UTRN: variants seen among roughly 807,000 people sequenced by gnomAD.
UTRN encodes utrophin.
Under a neutral mutation model 463.9 loss-of-function variants are expected in UTRN, and 283 were observed. That is an observed-to-expected ratio of 0.61 (90% CI 0.55 to 0.67). The LOEUF is 0.67. Among genes scored for constraint, UTRN ranks in the 30% least tolerant of loss-of-function variants. UTRN has a pLI of 0.00. For synonymous variants in UTRN, 1,442 were observed against 1,431.5 expected, an observed-to-expected ratio of 1.01 and a Z score of -0.17; for missense variants, 3,922 against 4,084.3, an observed-to-expected ratio of 0.96 and a Z score of 1.08.
chr6:144,539,164 A>T, intron 44 of UTRN, 130 bp from the exon 45 acceptor site: 3 of 1,054,104 alleles, frequency 2.8e-6, no homozygotes, highest in Non-Finnish European at 4.0e-6. Flanking sequence ...AGCTTCTTAT[A>T]AGTTTATTTT....
chr6:144,784,275 A>G (rs1328839635), intron 61 of UTRN, among the ~76,000 whole-genome samples: 1 of 152,220 alleles, frequency 6.6e-6, no homozygotes, highest in African/African-American at 2.4e-5. Context: ...ATAACAAAGA[A>G]TGATAGACTG....
At chr6:144,389,494 TA>T (rs920362580) in intron 2 of UTRN, among the ~76,000 whole-genome samples, 7 of 152,226 alleles carry the variant, frequency 4.6e-5, no homozygotes, top group African/African-American at 7.2e-5. Flanking sequence ...TTTCTGTGCT[TA>T]AAAAAATTTT....
chr6:144,749,723 A>T (rs11751723), intron 55 of UTRN, among the ~76,000 whole-genome samples: 2 of 152,090 alleles, frequency 1.3e-5, no homozygotes, highest in African/African-American at 2.4e-5. Flanking sequence ...AAAACCAAAG[A>T]CCTTGTTTGT....
At chr6:144,516,469 C>T in intron 38 of UTRN, 82 bp downstream of exon 38, 1 of 1,425,556 alleles carries the variant, frequency 7.0e-7, no homozygotes, top group Non-Finnish European at 9.5e-7. Context: ...GATGTTTGCC[C>T]ATATAATCTG....
intron 46 of UTRN, among the ~76,000 whole-genome samples, chr6:144,545,874 G>A (rs1236678614): frequency 2.0e-5 from 3 of 152,134 alleles, no homozygotes; most frequent in Non-Finnish European, 2.9e-5. Flanking sequence ...ACAAAAATTA[G>A]CTGGGCGTGG....
chr6:144,722,450 A>T lies in UTRN; in HGVS notation c.7810-7907A>T, dbSNP rs532184441. On this transcript the variant is annotated intron_variant, in intron 53 of 74. Coordinates refer to ENST00000367545, the MANE Select transcript of UTRN (RefSeq NM_007124.3). Reference sequence around the variant, plus strand: ...GTGTGGTAGATTTTTATAGTAATGAATCATGCCTCCCTGTGTCCACACTCC... The same window carrying T: ...GTGTGGTAGATTTTTATAGTAATGATTCATGCCTCCCTGTGTCCACACTCC... Among the ~76,000 whole-genome samples the T allele has an allele frequency of 6.4e-4, 98 of 152,110 alleles. 1 individual carries two copies. Among genetic ancestry groups the T allele is most frequent in the Admixed American group, 3.0e-3 (46 of 15,272 alleles).
At position 144,820,989 on chromosome 6, in the gene UTRN, G is replaced by C. The variant is rs1562950551; in HGVS notation, c.9465G>C (p.Gln3155His). The change falls in exon 66 of 75, where the codon CAG (glutamine) becomes CAC (histidine). Residue 3155 changes from glutamine to histidine, a missense_variant. Physicochemically the swap from Gln to His is conservative, Grantham distance 24. Coordinates refer to ENST00000367545, the MANE Select transcript of UTRN (RefSeq NM_007124.3). The stretch of plus-strand genomic sequence containing the variant: ...CTCGACTTGGTTACCTGCCTGTCCA[G>C]ACAGTTCTTGAAGGTGACAACTTAG... Reference protein sequence around the residue: ...KHPRLGYLPVQTVLEGDNLET... With the variant: ...KHPRLGYLPVHTVLEGDNLET... 1.9e-6 allele frequency: 3 copies of C among 1,613,738 alleles called. No homozygotes were observed. The highest frequency in any genetic ancestry group is 2.5e-6 in the Non-Finnish European group (3 of 1,179,860).
chr6:144,327,130 G>T (rs755565325), intron 2 of UTRN, among the ~76,000 whole-genome samples: 1 of 152,150 alleles, frequency 6.6e-6, no homozygotes, highest in African/African-American at 2.4e-5. Flanking sequence ...AAAGCAGACA[G>T]ATCAGGCCGA....
intron 38 of UTRN, 32 bp from the exon 39 acceptor site, chr6:144,516,779 G>C: frequency 1.4e-6 from 2 of 1,406,184 alleles, no homozygotes; most frequent in Admixed American, 2.9e-5. Context: ...TTTTTCTTTT[G>C]AGTCATTTTT....
chr6:144,381,233 G>C (rs9496949), intron 2 of UTRN, among the ~76,000 whole-genome samples: 25,397 of 151,926 alleles, frequency 0.17, 4,378 homozygotes, highest in African/African-American at 0.44. Context: ...TCCATGTGTT[G>C]TCATCATTTA....
chr6:144,550,923 A>G (rs759378948), intron 47 of UTRN, 42 bp from the exon 48 acceptor site: 1 of 1,511,130 alleles, frequency 6.6e-7, no homozygotes, highest in Admixed American at 2.2e-5. Flanking sequence ...TTCTTCTCAT[A>G]TGGCTTATTA....
Position 144,789,291 on chromosome 6 carries a change from C to T in UTRN, c.8920+12C>T. 6.4e-7 allele frequency: 1 copy of T among 1,564,972 alleles called. No individual in the cohort carries two copies. Among genetic ancestry groups the T allele is most frequent in the Non-Finnish European group, 8.7e-7 (1 of 1,149,882 alleles). ...AGAAAAATACAGATGTATGTAAGAC[C>T]TTTCTTATACCAACAGTGTTTTTAG... On this transcript the variant is annotated intron_variant, in intron 62 of 74. Coordinates refer to ENST00000367545, the MANE Select transcript of UTRN (RefSeq NM_007124.3).
chr6:144,397,950 ATTTCCACCTC>A (rs1487079950), intron 2 of UTRN: 1 of 185,224 alleles, frequency 5.4e-6, no homozygotes, highest in Non-Finnish European at 1.2e-5. Flanking sequence ...CACTTCCACC[ATTTCCACCTC>A]TCCTTGCCTT....
chr6:144,290,587 T>C (rs1266678691), intron 1 of UTRN, among the ~76,000 whole-genome samples: 1 of 152,138 alleles, frequency 6.6e-6, no homozygotes, highest in Non-Finnish European at 1.5e-5. Flanking sequence ...CCCCAACATA[T>C]TACTATGAAA....
Position 144,516,509 on chromosome 6 carries a change from A to AT in UTRN, c.5403+128dup, listed in dbSNP as rs1795620592. ...ACATGATGAAACAGATTCAAATGTG[A>AT]TTTTTTGATGTGTGTCAATGTAAGA... On this transcript the variant is annotated intron_variant, in intron 38 of 74. Coordinates refer to ENST00000367545, the MANE Select transcript of UTRN (RefSeq NM_007124.3). 2.5e-5 allele frequency: 29 copies of AT among 1,169,244 alleles called. No individual in the cohort carries two copies. In the South Asian group the frequency reaches 4.2e-4, roughly 17 times the overall value. 72.4% of individuals were successfully genotyped at this position (1,169,244 alleles called of 1,614,324 possible). A position where few individuals can be genotyped will look rare whatever the true frequency, so the allele number is the denominator to read the frequency against.
In UTRN at chr6:144,493,412, C is replaced by A. The variant is rs1374059414; in HGVS notation, c.4549C>A (p.Gln1517Lys). Residue 1517 changes from glutamine to lysine, a missense_variant, in exon 33 of 75, where the codon CAG becomes AAG. Transcript: ENST00000367545. Reference protein sequence around the residue: ...QTDNPKGMDEQLTSLKVLYND... With the variant: ...QTDNPKGMDEKLTSLKVLYND... Reference sequence around the variant, plus strand: ...GGACAACCCAAAAGGGATGGATGAGCAGCTGACTTCCCTGAAGGTTCTTTA... The same window carrying A: ...GGACAACCCAAAAGGGATGGATGAGAAGCTGACTTCCCTGAAGGTTCTTTA... 1 of 1,613,912 alleles carries A rather than the reference C, an allele frequency of 6.2e-7. No individual in the cohort carries two copies. Among genetic ancestry groups the A allele is most frequent in the Non-Finnish European group, 8.5e-7 (1 of 1,179,936 alleles).
intron 41 of UTRN, among the ~76,000 whole-genome samples, chr6:144,530,496 G>A (rs1796948038): frequency 6.6e-6 from 1 of 152,090 alleles, no homozygotes. Context: ...AGGGGTATAC[G>A]GGCATTTTGA....
intron 51 of UTRN, among the ~76,000 whole-genome samples, chr6:144,597,170 G>A (rs1424311901): frequency 2.7e-5 from 4 of 149,340 alleles, no homozygotes; most frequent in Non-Finnish European, 4.4e-5. Context: ...CCTGGGAGGC[G>A]AAGGTTGCAG....
At position 144,542,844 on chromosome 6, in the gene UTRN, G is replaced by C; in HGVS notation, c.6569G>C (p.Ser2190Thr). 6.2e-7 allele frequency: 1 copy of C among 1,613,594 alleles called. No homozygotes were observed. Among genetic ancestry groups the C allele is most frequent in the Non-Finnish European group, 8.5e-7 (1 of 1,179,808 alleles). ...CTGAAGGAATGCATCCAGGAGCCCA[G>C]TTCTGTTTCACAGACAAGGATTGCT... ...TTLKECIQEP[S>T]SVSQTRIAAH... Residue 2190 changes from serine (S) to threonine (T), a missense_variant, in exon 46 of 75, where the codon AGT becomes ACT. Physicochemically the swap from Ser to Thr is moderately conservative, Grantham distance 58. This residue lies in a region of UTRN where 2,349 missense variants were observed against 2,303.8 expected (regional missense o/e 1.02). Coordinates refer to ENST00000367545, the MANE Select transcript of UTRN (RefSeq NM_007124.3).
Sources: allele counts gnomAD v4.1 joint callset (sites outside exome capture counted in the v4.1 genomes callset), GRCh38; gene constraint gnomAD v4.1.1; regional missense constraint gnomAD v4.1.1; transcripts MANE v1.5; gene names NCBI Gene and HGNC (gene_info 2026-07-23, HGNC 2026-07-21).